Variants in LRRC4C observed in about 807,000 individuals in gnomAD.
The protein encoded by LRRC4C is leucine-rich repeat-containing protein 4C.
LRRC4C carries 5 observed loss-of-function variants against 33.6 expected under a neutral mutation model. That is an observed-to-expected ratio of 0.15 (90% CI 0.08 to 0.31). LRRC4C has a LOEUF of 0.31. LRRC4C is among the 10% of genes least tolerant of loss of function. The pLI, the probability that LRRC4C is intolerant of heterozygous loss-of-function variation, is 1.00. For synonymous variants in LRRC4C, 329 were observed against 302.0 expected, an observed-to-expected ratio of 1.09 and a Z score of -0.93; for missense variants, 560 against 796.7, an observed-to-expected ratio of 0.70 and a Z score of 3.58.
chr11:41,434,949 G>T (rs1157533810), intron 1 of LRRC4C, among the ~76,000 whole-genome samples: 1 of 152,092 alleles, frequency 6.6e-6, no homozygotes, highest in Admixed American at 6.6e-5. Context: ...GTATCTGGAT[G>T]CATTTTACAG....
intron 6 of LRRC4C, among the ~76,000 whole-genome samples, chr11:40,127,740 A>G (rs1677601724): frequency 6.6e-6 from 1 of 152,200 alleles, no homozygotes; most frequent in Non-Finnish European, 1.5e-5. Context: ...TGTATAGTTC[A>G]AATTAATACG....
At chr11:40,570,937 G>C (rs1957959017) in intron 3 of LRRC4C, among the ~76,000 whole-genome samples, 1 of 151,964 alleles carries the variant, frequency 6.6e-6, no homozygotes, top group Admixed American at 6.6e-5. Flanking sequence ...AAAAAACTTT[G>C]GATATGCTAA....
chr11:40,985,348 G>A (rs1402757844), intron 1 of LRRC4C, among the ~76,000 whole-genome samples: 2 of 147,772 alleles, frequency 1.4e-5, no homozygotes, highest in African/African-American at 2.5e-5. Context: ...TGTTTTTGTT[G>A]TTTTGTGTTT....
At chr11:41,391,609 C>T (rs963346069) in intron 1 of LRRC4C, among the ~76,000 whole-genome samples, 2 of 151,866 alleles carry the variant, frequency 1.3e-5, no homozygotes, top group African/African-American at 4.8e-5. Context: ...ATTTCCAATG[C>T]TATAATTCTC....
In LRRC4C at chr11:40,115,617, G is replaced by T. The variant is rs769728836; in HGVS notation, c.676C>A (p.Leu226Ile). ...TPLIKLDELD[L>I]SGNHLSAIRP... is the part of the protein sequence containing the mutation. ...ATGGCAGATAAATGATTCCCAGAAA[G>T]ATCCAGCTCATCTAGTTTTATGAGC... The change falls in exon 7 of 7, where the codon CTT (leucine) becomes ATT (isoleucine). Residue 226 changes from leucine (L) to isoleucine (I), a missense_variant. Physicochemically the swap from Leu to Ile is conservative, Grantham distance 5. This residue lies in a region of LRRC4C where 455 missense variants were observed against 643.8 expected (regional missense o/e 0.71). Transcript: ENST00000528697. The surrounding 1 kb of genome is among the most constrained non-coding windows in gnomAD (Gnocchi z 6.7). The T allele has an allele frequency of 4.0e-5, 65 of 1,614,174 alleles. No homozygotes were observed. Among genetic ancestry groups the T allele is most frequent in the Non-Finnish European group, 5.3e-5 (63 of 1,180,020 alleles).
intron 1 of LRRC4C, among the ~76,000 whole-genome samples, chr11:41,343,092 C>A (rs1951691797): frequency 6.6e-6 from 1 of 152,182 alleles, no homozygotes; most frequent in Non-Finnish European, 1.5e-5. Context: ...CCCAGTTAAT[C>A]CAAGATGATC....
intron 3 of LRRC4C, among the ~76,000 whole-genome samples, chr11:40,508,049 A>C (rs1440109): frequency 6.6e-6 from 1 of 151,936 alleles, no homozygotes. Flanking sequence ...GAAACACTGC[A>C]CCCAGCCCAA....
intron 1 of LRRC4C, among the ~76,000 whole-genome samples, chr11:41,110,369 C>A (rs1941759018): frequency 6.6e-6 from 1 of 152,188 alleles, no homozygotes; most frequent in Non-Finnish European, 1.5e-5. Context: ...ACATTAATCA[C>A]ATTTTTAATT....
intron 1 of LRRC4C, among the ~76,000 whole-genome samples, chr11:41,166,890 G>T (rs1392893253): frequency 6.6e-6 from 1 of 152,140 alleles, no homozygotes; most frequent in Admixed American, 6.5e-5. Flanking sequence ...TCTAACAATG[G>T]CATGTGATGA....
intron 6 of LRRC4C, among the ~76,000 whole-genome samples, chr11:40,131,265 A>C (rs1856625545): frequency 1.3e-5 from 2 of 152,218 alleles, no homozygotes; most frequent in Non-Finnish European, 2.9e-5. Flanking sequence ...AAAAGGTATA[A>C]AACTTAGTTT....
chr11:41,411,142 A>AT lies in LRRC4C; in HGVS notation c.-496+48288dup, dbSNP rs370574515. Among the ~76,000 whole-genome samples the AT allele has an allele frequency of 8.1e-3, 463 of 57,224 alleles. 80 individuals carry two copies. The highest frequency in any genetic ancestry group is 0.015 in the Middle Eastern group (2 of 130). The allele number at this position is 57,224 out of a possible 152,430, so 37.5% of individuals were successfully genotyped here. ...ATGAGAAACACTTGGTTGGTACCCT[A>AT]TTTTTTTTTTTTTTTTTTTTTTTTG... On this transcript the variant is annotated intron_variant, in intron 1 of 6. Coordinates refer to ENST00000528697, the MANE Select transcript of LRRC4C (RefSeq NM_001258419.2).
chr11:41,098,047 A>G (rs577180769), intron 1 of LRRC4C, among the ~76,000 whole-genome samples: 6 of 152,228 alleles, frequency 3.9e-5, no homozygotes, highest in African/African-American at 1.2e-4. Context: ...ATTTCCCAAT[A>G]TGCCTGAAAG....
intron 4 of LRRC4C, among the ~76,000 whole-genome samples, chr11:40,261,943 C>T (rs1438880186): frequency 1.3e-5 from 2 of 152,142 alleles, no homozygotes; most frequent in African/African-American, 2.4e-5. Context: ...GACTAAAACA[C>T]CGAAAGCAAT....
At chr11:41,195,421 A>C (rs919242183) in intron 1 of LRRC4C, among the ~76,000 whole-genome samples, 1 of 152,136 alleles carries the variant, frequency 6.6e-6, no homozygotes, top group Non-Finnish European at 1.5e-5. Flanking sequence ...ACAAAATGTC[A>C]ATTCTCAATG....
At chr11:41,095,265 G>A (rs1437300138) in intron 1 of LRRC4C, among the ~76,000 whole-genome samples, 1 of 152,110 alleles carries the variant, frequency 6.6e-6, no homozygotes, top group Non-Finnish European at 1.5e-5. Context: ...AACTCACTCA[G>A]TATGACAAGA....
chr11:40,478,929 G>A (rs916633105), intron 3 of LRRC4C, among the ~76,000 whole-genome samples: 4 of 152,086 alleles, frequency 2.6e-5, no homozygotes, highest in African/African-American at 9.7e-5. Flanking sequence ...TGGTTAAATT[G>A]CATTGGCTGT....
chr11:40,447,762 T>G (rs1307307781), intron 3 of LRRC4C, among the ~76,000 whole-genome samples: 2 of 151,846 alleles, frequency 1.3e-5, no homozygotes, highest in Non-Finnish European at 2.9e-5. Context: ...GTAGCTTCAC[T>G]GTAGAGCTTA....
At chr11:41,215,057 G>A (rs1421584971) in intron 1 of LRRC4C, among the ~76,000 whole-genome samples, 2 of 138,742 alleles carry the variant, frequency 1.4e-5, no homozygotes, top group African/African-American at 2.8e-5. Context: ...TGTATAACAG[G>A]TTTACTGAGA....
chr11:40,654,759 A>T (rs775428599), intron 2 of LRRC4C, among the ~76,000 whole-genome samples: 21 of 152,016 alleles, frequency 1.4e-4, no homozygotes, highest in Non-Finnish European at 2.9e-4. Context: ...GTCAGGAGGG[A>T]GTGATATTGT....
Sources: gnomAD v4.1 joint callset for allele counts (sites outside exome capture counted in the v4.1 genomes callset) on GRCh38, gnomAD v4.1.1 for gene constraint, gnomAD v4.1.1 regional missense constraint, Gnocchi (gnomAD v3.1) non-coding constraint, MANE v1.5 for transcripts, NCBI Gene and HGNC (gene_info 2026-07-23, HGNC 2026-07-21) for gene names.